The following SYBU variants were observed in gnomAD, a reference collection of about 807,000 sequenced individuals.
SYBU encodes the protein GOLSYN A protein.
In SYBU, 21 loss-of-function variants were observed where a neutral mutation model predicts 35.9. That is an observed-to-expected ratio of 0.58 (90% CI 0.41 to 0.84). The LOEUF (loss-of-function observed/expected upper bound fraction) is 0.84, where lower values mean the gene tolerates loss of function less well. Ranked by LOEUF, SYBU falls within the 40% of genes least tolerant of loss-of-function variation. SYBU has a pLI of 0.00. For missense variants in SYBU, 768 were observed against 848.2 expected (o/e 0.91, Z 1.17); for synonymous variants, 319 against 324.3 (o/e 0.98, Z 0.18).
chr8:109,677,272 AAC>A (rs1468899212), intron 1 of SYBU, among the ~76,000 whole-genome samples: 1 of 152,230 alleles, frequency 6.6e-6, no homozygotes, highest in Admixed American at 6.5e-5. Flanking sequence ...AAAAAATATG[AAC>A]ACACACAAAT....
intron 2 of SYBU, among the ~76,000 whole-genome samples, chr8:109,621,036 A>C (rs1812348269): frequency 6.6e-6 from 1 of 152,214 alleles, no homozygotes; most frequent in African/African-American, 2.4e-5. Flanking sequence ...CTTATGAGTC[A>C]GTTCCATAAA....
chr8:109,638,148 AGGCGCCC>A (rs2130595207), intron 2 of SYBU, among the ~76,000 whole-genome samples: 1 of 152,326 alleles, frequency 6.6e-6, no homozygotes, highest in South Asian at 2.1e-4. Flanking sequence ...CATGTTTACA[AGGCGCCC>A]CAAGGAGAAC....
At chr8:109,666,745 G>GA (rs11406081) in intron 1 of SYBU, among the ~76,000 whole-genome samples, 18,525 of 150,994 alleles carry the variant, frequency 0.12, 3,210 homozygotes, top group African/African-American at 0.39. Context: ...CTCCATTTCA[G>GA]AAAAAAAAGA....
intron 1 of SYBU, among the ~76,000 whole-genome samples, chr8:109,673,150 A>C (rs377544005): frequency 6.6e-6 from 1 of 152,196 alleles, no homozygotes; most frequent in Non-Finnish European, 1.5e-5. Flanking sequence ...TGAAGAGAGC[A>C]ATGGATCTCC....
intron 1 of SYBU, among the ~76,000 whole-genome samples, chr8:109,677,459 A>C (rs375380102): frequency 6.6e-6 from 1 of 152,214 alleles, no homozygotes. Context: ...AATACACCTC[A>C]TGTTCCAGGC....
chr8:109,625,878 T>G (rs1414065552), intron 2 of SYBU, among the ~76,000 whole-genome samples: 1 of 152,236 alleles, frequency 6.6e-6, no homozygotes, highest in African/African-American at 2.4e-5. Context: ...GTGGAATTAC[T>G]AAAACTTCCA....
chr8:109,578,091 G>A (rs1822565966), intron 5 of SYBU, 74 bp from the exon 6 acceptor site: 1 of 1,456,370 alleles, frequency 6.9e-7, no homozygotes, highest in Non-Finnish European at 9.3e-7. Flanking sequence ...AACACAGAGT[G>A]TTATCAACTG....
intron 6 of SYBU, among the ~76,000 whole-genome samples, chr8:109,576,869 C>T (rs1563672013): frequency 1.3e-5 from 2 of 152,106 alleles, no homozygotes; most frequent in South Asian, 4.1e-4. Flanking sequence ...ATCAATATTG[C>T]TCATTTAAGT....
chr8:109,668,165 G>GGAGAGAGAGAGAGAGA lies in SYBU; in HGVS notation c.-129+12530_-129+12545dup, dbSNP rs60330422. 2.4e-3 allele frequency among the ~76,000 whole-genome samples: 217 copies of GGAGAGAGAGAGAGAGA among 89,018 alleles called. 3 individuals are homozygous for GGAGAGAGAGAGAGAGA. The highest frequency in any genetic ancestry group is 8.4e-3 in the African/African-American group (173 of 20,540). The allele number at this position is 89,018 out of a possible 152,430, so 58.4% of individuals were successfully genotyped here. On this transcript the variant is annotated intron_variant, in intron 1 of 5. Coordinates refer to the SYBU transcript ENST00000408889. Reference sequence around the variant, plus strand: ...GAAGAAGAGGCAGAGGGGGAGAGGGGGAGAGAGAGAGAGAGAGAGAGAGAG... The same window carrying GGAGAGAGAGAGAGAGA: ...GAAGAAGAGGCAGAGGGGGAGAGGGGGAGAGAGAGAGAGAGAGAGAGAGAGAGAGAGAGAGAGAGAG...
Position 109,575,290 on chromosome 8 carries a change from G to A in SYBU, c.1608C>T (p.Leu536=), listed in dbSNP as rs751824083. 20 of 1,614,230 alleles carry A rather than the reference G, an allele frequency of 1.2e-5. No homozygotes were observed. Among genetic ancestry groups the A allele is most frequent in the Non-Finnish European group, 1.6e-5 (19 of 1,180,036 alleles). Residue 536 remains leucine (L), a synonymous_variant, in exon 7 of 7, where the codon CTC becomes CTT. Transcript: ENST00000276646. ...PDSMESFPES[L]SALVVDLTPR... ...GAGTTAAATCAACCACTAAGGCAGA[G>A]AGGGACTCTGGGAAGCTCTCCATCG... is the stretch of plus-strand genomic sequence containing the variant.
intron 3 of SYBU, among the ~76,000 whole-genome samples, chr8:109,600,178 C>G (rs1449896783): frequency 6.6e-6 from 1 of 152,180 alleles, no homozygotes; most frequent in Non-Finnish European, 1.5e-5. Context: ...ATGTGTCACA[C>G]AGGGTTTAGC....
At chr8:109,632,777 T>C (rs979724610) in intron 2 of SYBU, among the ~76,000 whole-genome samples, 1 of 152,200 alleles carries the variant, frequency 6.6e-6, no homozygotes, top group African/African-American at 2.4e-5. Context: ...CACAGAAGAA[T>C]GTTTGAATAA....
intron 2 of SYBU, among the ~76,000 whole-genome samples, chr8:109,631,821 C>T (rs1050281035): frequency 1.1e-4 from 16 of 152,054 alleles, no homozygotes; most frequent in African/African-American, 2.7e-4. Flanking sequence ...TTCTTTCATA[C>T]GGTTATGATC....
chr8:109,639,222 C>G (rs1814580352), intron 2 of SYBU, among the ~76,000 whole-genome samples: 1 of 152,130 alleles, frequency 6.6e-6, no homozygotes, highest in South Asian at 2.1e-4. Flanking sequence ...CTACCATCCA[C>G]TATCATGAAT....
intron 3 of SYBU, among the ~76,000 whole-genome samples, chr8:109,607,703 T>A (rs1826202984): frequency 6.6e-6 from 1 of 151,998 alleles, no homozygotes; most frequent in Non-Finnish European, 1.5e-5. Flanking sequence ...AAATAACACA[T>A]GTGTATATTT....
At chr8:109,663,297 A>ATAGATAGATAGG (rs1563771275) in intron 1 of SYBU, among the ~76,000 whole-genome samples, 15 of 148,602 alleles carry the variant, frequency 1.0e-4, no homozygotes, top group African/African-American at 3.5e-4. Context: ...AGATAGATAG[A>ATAGATAGATAGG]TAGGTAGATA....
chr8:109,658,627 T>C (rs191613458), intron 1 of SYBU, among the ~76,000 whole-genome samples: 15 of 152,272 alleles, frequency 9.9e-5, no homozygotes, highest in African/African-American at 3.6e-4. Context: ...TGCTTGTTAT[T>C]TACATCCACG....
intron 1 of SYBU, among the ~76,000 whole-genome samples, chr8:109,675,091 C>T (rs1041992621): frequency 5.9e-5 from 9 of 152,034 alleles, no homozygotes; most frequent in Admixed American, 2.6e-4. Flanking sequence ...TTGAAACCAA[C>T]GAGAACAAAG....
chr8:109,609,497 C>CT (rs1022138460), intron 3 of SYBU, among the ~76,000 whole-genome samples: 2 of 152,188 alleles, frequency 1.3e-5, no homozygotes, highest in African/African-American at 4.8e-5. Flanking sequence ...GACTGAATAG[C>CT]TTTCGATAAT....
Sources: gnomAD v4.1 joint callset for allele counts (sites outside exome capture counted in the v4.1 genomes callset) on GRCh38, gnomAD v4.1.1 for gene constraint, MANE v1.5 for transcripts, NCBI Gene and HGNC (gene_info 2026-07-23, HGNC 2026-07-21) for gene names.